The following CPLANE1 variants were observed in gnomAD, a reference collection of about 807,000 sequenced individuals.
CPLANE1 encodes the protein ciliogenesis and planar polarity effector complex subunit 1, also known as ciliogenesis and planar polarity effector 1.
CPLANE1 carries 263 observed loss-of-function variants against 362.5 expected under a neutral mutation model. That is an observed-to-expected ratio of 0.73 (90% confidence interval 0.66 to 0.80). The LOEUF is 0.80. Among genes scored for constraint, CPLANE1 ranks in the 30% least tolerant of loss-of-function variants. The probability of loss-of-function intolerance (pLI) is 0.00; values close to 1 mark genes in which losing one functional copy is unlikely to be tolerated. For missense variants in CPLANE1, 3,461 were observed against 3,793.4 expected (o/e 0.91, Z 2.30); for synonymous variants, 1,212 against 1,302.6 (o/e 0.93, Z 1.50).
chr5:37,173,674 T>G, intron 32 of CPLANE1, 81 bp downstream of exon 32: 2 of 1,173,166 alleles, frequency 1.7e-6, no homozygotes, highest in Non-Finnish European at 2.4e-6. Flanking sequence ...ACCTTGTCAA[T>G]TTCTGGAAAT....
intron 33 of CPLANE1, among the ~76,000 whole-genome samples, 165 bp downstream of exon 33, chr5:37,169,876 G>A (rs1170230688): frequency 3.3e-5 from 5 of 151,924 alleles, no homozygotes; most frequent in Non-Finnish European, 5.9e-5. Context: ...ACAGGCATGC[G>A]CCACCACACC....
At chr5:37,090,972 T>C in the CPLANE1 span, among the ~76,000 whole-genome samples, 1 of 152,240 alleles carries the variant, frequency 6.6e-6, no homozygotes, top group East Asian at 1.9e-4. Context: ...CCCATTGGCT[T>C]ATGGCAACGA....
downstream of CPLANE1, among the ~76,000 whole-genome samples, chr5:37,104,094 T>C (rs1757426346): frequency 6.6e-6 from 1 of 152,218 alleles, no homozygotes; most frequent in African/African-American, 2.4e-5. Flanking sequence ...TTTGTCTGCA[T>C]GTTTTATTTC....
rs577115515 is a variant in CPLANE1, at chr5:37,225,543, G to A, written c.2291+761C>T. 4.0e-3 allele frequency among the ~76,000 whole-genome samples: 612 copies of A among 152,200 alleles called. 4 individuals are homozygous for A. The highest frequency in any genetic ancestry group is 6.3e-3 in the Non-Finnish European group (428 of 68,002). ...ACTGCGCCCAGCCTAATTTTTTAAA[G>A]AGGTCATTTTTTTAAGAGGTCATTT... On this transcript the variant is annotated intron_variant, in intron 12 of 52. Coordinates refer to ENST00000651892, the MANE Select transcript of CPLANE1 (RefSeq NM_001384732.1).
At chr5:37,100,752 A>C in the CPLANE1 span, among the ~76,000 whole-genome samples, 14 of 152,152 alleles carry the variant, frequency 9.2e-5, no homozygotes, top group Admixed American at 8.5e-4. Context: ...ATGAGCATGG[A>C]ATGTTTTTCC....
chr5:37,173,913 A>C lies in CPLANE1; in HGVS notation c.6013T>G (p.Ser2005Ala). Residue 2005 changes from serine to alanine, a missense_variant, in exon 32 of 53, where the codon TCA (serine) becomes GCA (alanine). Around this residue, in one of 2 missense-constraint regions of CPLANE1, gnomAD observed 3,380 missense variants for 3,666.1 expected, o/e 0.92. Coordinates refer to ENST00000651892, the MANE Select transcript of CPLANE1 (RefSeq NM_001384732.1). ...QISTYKEKSS[S>A]VPLLISNGVN... ...CCATTTGATATCAGAAGTGGAACTG[A>C]GGAAGATTTTTCTTTATATGTAGAA... The C allele has an allele frequency of 6.2e-7, 1 of 1,614,156 alleles. No individual in the cohort carries two copies.
At chr5:37,166,837 T>C (rs1651698253) in intron 35 of CPLANE1, among the ~76,000 whole-genome samples, 1 of 152,120 alleles carries the variant, frequency 6.6e-6, no homozygotes, top group African/African-American at 2.4e-5. Context: ...AAGAATTCCT[T>C]AATAAAATGG....
At chr5:37,234,216 T>G (rs1313330193) in intron 8 of CPLANE1, among the ~76,000 whole-genome samples, 2 of 151,736 alleles carry the variant, frequency 1.3e-5, no homozygotes, top group Admixed American at 1.3e-4. Flanking sequence ...ACCACAAAAA[T>G]TGTCCGGTAA....
At chr5:37,158,185 C>T (rs767307893) in intron 39 of CPLANE1, 39 bp downstream of exon 39, 25 of 1,600,192 alleles carry the variant, frequency 1.6e-5, no homozygotes, top group Middle Eastern at 1.7e-4. Flanking sequence ...TACATTTTAG[C>T]GCAAAGGTAT....
chr5:37,120,107 G>C, intron 50 of CPLANE1, 109 bp downstream of exon 50: 2 of 1,134,138 alleles, frequency 1.8e-6, no homozygotes, highest in Non-Finnish European at 2.5e-6. Flanking sequence ...GTTCAAATCA[G>C]AACTCCTTTT....
At chr5:37,083,228 G>C in the CPLANE1 span, among the ~76,000 whole-genome samples, 1 of 152,100 alleles carries the variant, frequency 6.6e-6, no homozygotes, top group East Asian at 1.9e-4. Flanking sequence ...AGGAAAAGGG[G>C]GAGAGTACTA....
At chr5:37,100,424 T>C in the CPLANE1 span, among the ~76,000 whole-genome samples, 3 of 152,158 alleles carry the variant, frequency 2.0e-5, no homozygotes, top group African/African-American at 4.8e-5. Flanking sequence ...GTTATAGCTA[T>C]GTGGTCTTAT....
Position 37,142,470 on chromosome 5 carries a change from C to G in CPLANE1, c.8472G>C (p.Leu2824Phe), listed in dbSNP as rs1770061910. The part of the protein sequence containing the change: ...TISISEEVRF[L>F]THMDEEDQSD... ...TTTGATCTTCTTCATCCATATGGGT[C>G]AAAAAACGCACTAATCCAGAGTATA... Residue 2824 changes from leucine to phenylalanine, a missense_variant, in exon 44 of 53, where the codon TTG becomes TTC. Physicochemically the swap from Leu to Phe is conservative, Grantham distance 22. Around this residue, in one of 2 missense-constraint regions of CPLANE1, gnomAD observed 3,380 missense variants for 3,666.1 expected, o/e 0.92. Transcript: ENST00000651892. The G allele has an allele frequency of 1.9e-6, 3 of 1,580,696 alleles. No individual in the cohort carries two copies. The highest frequency in any genetic ancestry group is 2.6e-6 in the Non-Finnish European group (3 of 1,166,020).
intron 2 of CPLANE1, 108 bp downstream of exon 2, chr5:37,247,510 G>A (rs1740121723): frequency 5.4e-6 from 5 of 919,376 alleles, no homozygotes; most frequent in Non-Finnish European, 8.0e-6. Flanking sequence ...TCCTCCTCCA[G>A]TAGATGATGT....
chr5:37,179,316 A>G (rs1337865887), intron 29 of CPLANE1, 45 bp downstream of exon 29: 2 of 1,224,100 alleles, frequency 1.6e-6, no homozygotes. Flanking sequence ...TAAACACTAT[A>G]CAAAATGAAA....
chr5:37,131,278 C>T (rs978209396), intron 46 of CPLANE1, among the ~76,000 whole-genome samples: 1 of 152,134 alleles, frequency 6.6e-6, no homozygotes, highest in Non-Finnish European at 1.5e-5. Context: ...TCTACCACAC[C>T]CTACTGCGTG....
chr5:37,173,322 C>A (rs2150999860), intron 32 of CPLANE1, among the ~76,000 whole-genome samples: 1 of 152,252 alleles, frequency 6.6e-6, no homozygotes, highest in East Asian at 1.9e-4. Context: ...TGAGTAGGAG[C>A]CCACTAATCT....
chr5:37,165,246 T>C (rs1253275654), intron 36 of CPLANE1, among the ~76,000 whole-genome samples: 2 of 152,112 alleles, frequency 1.3e-5, no homozygotes, highest in African/African-American at 2.4e-5. Context: ...ACATAATATA[T>C]ATATTAAGAT....
intron 16 of CPLANE1, among the ~76,000 whole-genome samples, chr5:37,208,956 A>G (rs1013145336): frequency 6.6e-6 from 1 of 151,902 alleles, no homozygotes; most frequent in African/African-American, 2.4e-5. Context: ...AAAGAAAAGA[A>G]AAAAAGAAAA....
Sources: allele counts gnomAD v4.1 joint callset (sites outside exome capture counted in the v4.1 genomes callset), GRCh38; gene constraint gnomAD v4.1.1; regional missense constraint gnomAD v4.1.1; transcripts MANE v1.5; gene names NCBI Gene and HGNC (gene_info 2026-07-23, HGNC 2026-07-21).